Variants in SEMA6D observed in about 807,000 individuals in gnomAD.
SEMA6D encodes semaphorin-6D.
In SEMA6D, 35 loss-of-function variants were observed where a neutral mutation model predicts 106.6. That is an observed-to-expected ratio of 0.33 (90% CI 0.25 to 0.44). The LOEUF is 0.44. Ranked by LOEUF, SEMA6D falls within the 20% of genes least tolerant of loss-of-function variation. SEMA6D has a pLI of 1.00. For missense variants in SEMA6D, 1,185 were observed against 1,345.9 expected, an observed-to-expected ratio of 0.88 and a Z score of 1.87; for synonymous variants, 499 against 487.7, an observed-to-expected ratio of 1.02 and a Z score of -0.31.
chr15:47,684,248 A>T (rs1195655231), intron 4 of SEMA6D, among the ~76,000 whole-genome samples: 1 of 151,982 alleles, frequency 6.6e-6, no homozygotes, highest in Non-Finnish European at 1.5e-5. Context: ...TTACAATAAT[A>T]AAAAAAATTA....
At chr15:47,666,784 C>G (rs990123893) in intron 4 of SEMA6D, among the ~76,000 whole-genome samples, 4 of 152,200 alleles carry the variant, frequency 2.6e-5, no homozygotes, top group Non-Finnish European at 5.9e-5. Flanking sequence ...GCAAATGAAG[C>G]TACTCAATGT....
intron 4 of SEMA6D, among the ~76,000 whole-genome samples, chr15:47,688,943 C>T (rs957619924): frequency 1.3e-5 from 2 of 152,176 alleles, no homozygotes; most frequent in Non-Finnish European, 2.9e-5. Flanking sequence ...CATGGGCCAT[C>T]GTGCAAGTTG....
chr15:47,575,700 C>T (rs2076145164), intron 3 of SEMA6D, among the ~76,000 whole-genome samples: 2 of 151,404 alleles, frequency 1.3e-5, no homozygotes, highest in African/African-American at 4.9e-5. Flanking sequence ...GCCTGGGTAA[C>T]AGAGCAAGAC....
chr15:47,586,316 G>C (rs2076338788), intron 3 of SEMA6D, among the ~76,000 whole-genome samples: 1 of 152,198 alleles, frequency 6.6e-6, no homozygotes. Flanking sequence ...TAGAAGATGA[G>C]AGCCAGCACT....
intron 1 of SEMA6D, among the ~76,000 whole-genome samples, chr15:47,356,343 A>G (rs2038565927): frequency 6.6e-6 from 1 of 152,212 alleles, no homozygotes; most frequent in African/African-American, 2.4e-5. Flanking sequence ...GAATTCAACA[A>G]TCTAGAGACT....
At chr15:47,730,560 C>A (rs2080051928) in intron 1 of SEMA6D, 6 of 1,392,974 alleles carry the variant, frequency 4.3e-6, no homozygotes, top group Non-Finnish European at 6.1e-6. Flanking sequence ...TTCGTGGGGA[C>A]ATCCCCTTTG....
chr15:47,479,331 C>G (rs1163219913), intron 3 of SEMA6D, among the ~76,000 whole-genome samples: 1 of 152,096 alleles, frequency 6.6e-6, no homozygotes, highest in Non-Finnish European at 1.5e-5. Flanking sequence ...CATCCAGGAT[C>G]TCCATCCTCA....
chr15:47,587,796 T>C (rs920144198), intron 3 of SEMA6D, among the ~76,000 whole-genome samples: 5 of 151,984 alleles, frequency 3.3e-5, no homozygotes, highest in African/African-American at 1.2e-4. Context: ...TTCTTTCTTT[T>C]TTTTTTTTAA....
chr15:47,730,669 T>C, intron 1 of SEMA6D: 5 of 1,609,030 alleles, frequency 3.1e-6, no homozygotes, highest in Non-Finnish European at 4.2e-6. Context: ...GCTCGCTGTT[T>C]GGCGGTCCAG....
intron 2 of SEMA6D, among the ~76,000 whole-genome samples, chr15:47,429,455 C>A (rs2041453819): frequency 6.6e-6 from 1 of 152,044 alleles, no homozygotes; most frequent in Admixed American, 6.5e-5. Flanking sequence ...GCCATTCTTT[C>A]AAAAATCTGG....
chr15:47,651,532 C>A (rs1160024264), intron 4 of SEMA6D, among the ~76,000 whole-genome samples: 3 of 152,182 alleles, frequency 2.0e-5, no homozygotes, highest in Admixed American at 6.5e-5. Flanking sequence ...ACCTTAAAAC[C>A]AGAGTTAACC....
At chr15:47,485,935 G>A (rs968410309) in intron 3 of SEMA6D, among the ~76,000 whole-genome samples, 2 of 152,212 alleles carry the variant, frequency 1.3e-5, no homozygotes, top group East Asian at 3.8e-4. Context: ...ATTAGACTGT[G>A]TTTGTGTAGA....
chr15:47,360,577 C>T (rs1044058025), intron 1 of SEMA6D, among the ~76,000 whole-genome samples: 3 of 152,156 alleles, frequency 2.0e-5, no homozygotes, highest in African/African-American at 7.2e-5. Flanking sequence ...AGACTACAGG[C>T]ATAAGGTGAG....
intron 1 of SEMA6D, chr15:47,730,087 G>T: frequency 2.6e-6 from 2 of 783,586 alleles, no homozygotes; most frequent in South Asian, 1.7e-5. Flanking sequence ...AGTTTTGAAG[G>T]AAAATTTATA....
chr15:47,221,345 A>G (rs908014365), intron 1 of SEMA6D, among the ~76,000 whole-genome samples: 1 of 152,148 alleles, frequency 6.6e-6, no homozygotes, highest in African/African-American at 2.4e-5. Context: ...TTCTTCGCCC[A>G]CTTCAGCATC....
intron 4 of SEMA6D, among the ~76,000 whole-genome samples, chr15:47,666,298 G>C (rs1464996867): frequency 6.6e-6 from 1 of 152,160 alleles, no homozygotes; most frequent in Non-Finnish European, 1.5e-5. Context: ...GCCCAGACAC[G>C]TCTCTATATG....
intron 1 of SEMA6D, among the ~76,000 whole-genome samples, chr15:47,367,474 T>G (rs2039074061): frequency 6.6e-6 from 1 of 152,182 alleles, no homozygotes; most frequent in African/African-American, 2.4e-5. Flanking sequence ...TTTTTTAAAG[T>G]TCTACTGCCT....
chr15:47,516,225 C>T (rs1471466805), intron 3 of SEMA6D, among the ~76,000 whole-genome samples: 1 of 152,130 alleles, frequency 6.6e-6, no homozygotes, highest in African/African-American at 2.4e-5. Context: ...CACCTAGCTA[C>T]CTCAATGTAA....
intron 3 of SEMA6D, among the ~76,000 whole-genome samples, chr15:47,489,282 C>T (rs2043392150): frequency 6.6e-6 from 1 of 152,206 alleles, no homozygotes; most frequent in Admixed American, 6.5e-5. Flanking sequence ...GCCCTGCCAA[C>T]ACCTTGATGT....
Sources: gnomAD v4.1 joint callset for allele counts (sites outside exome capture counted in the v4.1 genomes callset) on GRCh38, gnomAD v4.1.1 for gene constraint, MANE v1.5 for transcripts, NCBI Gene and HGNC (gene_info 2026-07-23, HGNC 2026-07-21) for gene names.